The following GMFB variants were observed in gnomAD, a reference collection of about 807,000 sequenced individuals.
GMFB encodes the protein GMF-beta.
Under a neutral mutation model 25.6 loss-of-function variants are expected in GMFB, and 13 were observed. That is an observed-to-expected ratio of 0.51 (90% CI 0.33 to 0.81). The LOEUF (loss-of-function observed/expected upper bound fraction) is 0.81, where lower values mean the gene tolerates loss of function less well. GMFB is among the 30% of genes least tolerant of loss of function. GMFB has a pLI of 0.02. For synonymous variants in GMFB, 57 were observed against 56.9 expected, an observed-to-expected ratio of 1.00 and a Z score of 0.00; for missense variants, 146 against 175.4, an observed-to-expected ratio of 0.83 and a Z score of 0.95.
In GMFB at chr14:54,474,757, GTAAT is replaced by G. The variant is rs935075226; in HGVS notation, c.*3327_*3330del. On this transcript the variant is annotated 3_prime_UTR_variant, in exon 7 of 7. Coordinates refer to ENST00000358056, the MANE Select transcript of GMFB (RefSeq NM_004124.3). Reference sequence around the variant, plus strand: ...GTTAATGATCTCAAACAATATTCAAGTAATTATATTTATATGAATTATAATCCAA... The same window carrying G: ...GTTAATGATCTCAAACAATATTCAAGTATATTTATATGAATTATAATCCAA... The G allele has an allele frequency of 4.6e-5, 7 of 152,644 alleles. 1 individual carries two copies. The highest frequency in any genetic ancestry group is 6.5e-5 in the Admixed American group (1 of 15,294). The allele number at this position is 152,644 out of a possible 1,614,324, so 9.5% of individuals were successfully genotyped here.
chr14:54,484,231 T>C (rs2031754078), intron 1 of GMFB, among the ~76,000 whole-genome samples: 1 of 151,948 alleles, frequency 6.6e-6, no homozygotes, highest in Non-Finnish European at 1.5e-5. Context: ...AAAAAAAATA[T>C]AAGCAACAAA....
At position 54,484,371 on chromosome 14, in the gene GMFB, C is replaced by T. The variant is rs150933178; in HGVS notation, c.4-604G>A. On this transcript the variant is annotated intron_variant, in intron 1 of 6. Coordinates refer to ENST00000358056, the MANE Select transcript of GMFB (RefSeq NM_004124.3). ...AAAGCAGAGACAAAAAGAAACATTG[C>T]GATTGATACCACAGAAATACAAAGA... 2.4e-3 allele frequency among the ~76,000 whole-genome samples: 368 copies of T among 151,874 alleles called. 2 individuals are homozygous for T. Among genetic ancestry groups the T allele is most frequent in the African/African-American group, 8.5e-3 (353 of 41,458 alleles).
Position 54,476,015 on chromosome 14 carries a change from C to T in GMFB, c.*2073G>A, listed in dbSNP as rs910623231. On this transcript the variant is annotated 3_prime_UTR_variant, in exon 7 of 7. Coordinates refer to ENST00000358056, the MANE Select transcript of GMFB (RefSeq NM_004124.3). ...AAATGTTTGAGAACATTTTAGAGCA[C>T]GGGATTTGTAAATTTCCCCATAGGA... The T allele has an allele frequency of 5.9e-5, 9 of 152,044 alleles. No individual in the cohort carries two copies. The highest frequency in any genetic ancestry group is 2.2e-4 in the African/African-American group (9 of 41,440). The allele number at this position is 152,044 out of a possible 1,614,324, so 9.4% of individuals were successfully genotyped here. A position where few individuals can be genotyped will look rare whatever the true frequency, so the allele number is the denominator to read the frequency against.
intron 1 of GMFB, among the ~76,000 whole-genome samples, chr14:54,487,436 G>A (rs563574326): frequency 1.8e-4 from 27 of 152,398 alleles, no homozygotes; most frequent in Non-Finnish European, 3.7e-4. Context: ...TCGGGAGGCT[G>A]AGGCGGGAGA....
chr14:54,478,219 T>C (rs1329711037), intron 6 of GMFB, 60 bp from the exon 7 acceptor site: 4 of 596,250 alleles, frequency 6.7e-6, no homozygotes, highest in African/African-American at 1.9e-5. Context: ...AGTCAAATAT[T>C]TGAATTTTTT....
At chr14:54,478,377 G>A (rs916708311) in intron 6 of GMFB, 3 of 322,276 alleles carry the variant, frequency 9.3e-6, no homozygotes, top group African/African-American at 6.4e-5. Flanking sequence ...TCTTTTAAAT[G>A]CTAAGTACTC....
intron 1 of GMFB, among the ~76,000 whole-genome samples, chr14:54,487,539 AAAAC>A (rs746058665): frequency 2.0e-5 from 3 of 150,286 alleles, no homozygotes; most frequent in Admixed American, 1.3e-4. Context: ...ACTCCATCTC[AAAAC>A]AAACAAACAA....
chr14:54,481,422 C>A lies in GMFB; in HGVS notation c.187G>T (p.Glu63Ter). The change falls in exon 4 of 7, where the codon GAA (glutamate) becomes TAA (stop). Residue 63 changes from glutamate to a stop codon, truncating the protein, a stop_gained. Coordinates refer to ENST00000358056, the MANE Select transcript of GMFB (RefSeq NM_004124.3). LOFTEE classifies it high-confidence loss of function. The stretch of plus-strand genomic sequence containing the variant: ...AGAAAAGGATATCGAGGTTGTCGTT[C>A]AGGTAGTTCATCTTTAAGTTCATCT... ...SPDELKDELP[E>*]RQPRFIVYSY... 6.2e-7 allele frequency: 1 copy of A among 1,607,058 alleles called. No homozygotes were observed. The highest frequency in any genetic ancestry group is 1.1e-5 in the South Asian group (1 of 90,926).
Position 54,477,896 on chromosome 14 carries a change from C to T in GMFB, c.*192G>A. The stretch of plus-strand genomic sequence containing the variant: ...CCTAACAATTACCAATATAAGGAAA[C>T]ACTTTACAAAGTTTCATTACTATGA... On this transcript the variant is annotated 3_prime_UTR_variant, in exon 7 of 7. Transcript: ENST00000358056. 2.3e-6 allele frequency: 1 copy of T among 427,012 alleles called. No homozygotes were observed. Among genetic ancestry groups the T allele is most frequent in the Admixed American group, 4.4e-5 (1 of 22,632 alleles). The allele number at this position is 427,012 out of a possible 1,614,324, so 26.5% of individuals were successfully genotyped here.
At chr14:54,485,114 T>C in intron 1 of GMFB, among the ~76,000 whole-genome samples, 1 of 150,948 alleles carries the variant, frequency 6.6e-6, no homozygotes, top group Non-Finnish European at 1.5e-5. Flanking sequence ...AGTTCTGGAG[T>C]AAAACAAGGA....
intron 1 of GMFB, among the ~76,000 whole-genome samples, chr14:54,487,621 G>A (rs1594636124): frequency 6.6e-6 from 1 of 152,202 alleles, no homozygotes; most frequent in Non-Finnish European, 1.5e-5. Context: ...GCTGAGGCAG[G>A]AGAACTGCTT....
chr14:54,488,890 GC>G (rs2031827124), intron 1 of GMFB, 34 bp downstream of exon 1: 1 of 1,547,398 alleles, frequency 6.5e-7, no homozygotes. Flanking sequence ...GGCTCGCCCA[GC>G]CCTCCGGCCC....
chr14:54,487,177 CTT>C (rs2031794465), intron 1 of GMFB, among the ~76,000 whole-genome samples: 1 of 151,262 alleles, frequency 6.6e-6, no homozygotes, highest in African/African-American at 2.4e-5. Flanking sequence ...AGGTGGATCA[CTT>C]GAGGTCAGGA....
Position 54,477,233 on chromosome 14 carries a change from C to T in GMFB, c.*855G>A, listed in dbSNP as rs2031652318. 1 of 152,270 alleles carries T rather than the reference C, an allele frequency of 6.6e-6. No homozygotes were observed. The highest frequency in any genetic ancestry group is 2.4e-5 in the African/African-American group (1 of 41,380). The allele number at this position is 152,270 out of a possible 1,614,324, so 9.4% of individuals were successfully genotyped here. Reference sequence around the variant, plus strand: ...CCCTTTAAAAAAGTATTAATTTCACCAAATGTGGAATACTGGCAGTGTAAA... The same window carrying T: ...CCCTTTAAAAAAGTATTAATTTCACTAAATGTGGAATACTGGCAGTGTAAA... On this transcript the variant is annotated 3_prime_UTR_variant, in exon 7 of 7. Coordinates refer to ENST00000358056, the MANE Select transcript of GMFB (RefSeq NM_004124.3).
chr14:54,478,138 C>T lies in GMFB; in HGVS notation c.379G>A (p.Glu127Lys). The stretch of plus-strand genomic sequence containing the variant: ...CGTAACCATTCTTCAGTTAGGTCTT[C>T]GGTATTTCTTATTTCAAATACCTTT... ...LTKVFEIRNT[E>K]DLTEEWLREK... Residue 127 changes from glutamate (E) to lysine (K), a missense_variant, in exon 7 of 7, where the codon GAA becomes AAA. Coordinates refer to ENST00000358056, the MANE Select transcript of GMFB (RefSeq NM_004124.3). 3 of 1,368,792 alleles carry T rather than the reference C, an allele frequency of 2.2e-6. No individual in the cohort carries two copies. The highest frequency in any genetic ancestry group is 3.0e-6 in the Non-Finnish European group (3 of 1,016,272). 84.8% of individuals were successfully genotyped at this position (1,368,792 alleles called of 1,614,324 possible).
intron 1 of GMFB, among the ~76,000 whole-genome samples, chr14:54,484,623 C>A (rs1251952222): frequency 1.3e-5 from 2 of 152,046 alleles, no homozygotes; most frequent in Non-Finnish European, 2.9e-5. Context: ...TAAAACACCA[C>A]TTCTACTCAA....
intron 1 of GMFB, among the ~76,000 whole-genome samples, chr14:54,484,840 A>C (rs989107645): frequency 7.2e-5 from 11 of 152,240 alleles, no homozygotes; most frequent in Admixed American, 3.3e-4. Flanking sequence ...CACCGTGATC[A>C]AGTGGGATTA....
At chr14:54,479,712 A>T in intron 6 of GMFB, 74 bp downstream of exon 6, 1 of 861,640 alleles carries the variant, frequency 1.2e-6, no homozygotes, top group Non-Finnish European at 2.0e-6. Flanking sequence ...ATACTCCTTT[A>T]GACTATTTTA....
intron 1 of GMFB, chr14:54,484,098 T>C (rs2031752140): frequency 2.7e-6 from 1 of 370,674 alleles, no homozygotes; most frequent in African/African-American, 2.1e-5. Flanking sequence ...AAGTCAAGAA[T>C]CACTGTCTGC....
Sources: gnomAD v4.1 joint callset for allele counts (sites outside exome capture counted in the v4.1 genomes callset) on GRCh38, gnomAD v4.1.1 for gene constraint, MANE v1.5 for transcripts, NCBI Gene and HGNC (gene_info 2026-07-23, HGNC 2026-07-21) for gene names.